The following NPIPB8 variants were observed in gnomAD, a reference collection of about 807,000 sequenced individuals.
NPIPB8 encodes nuclear pore complex interacting protein family member B8.
NPIPB8 carries 3 observed loss-of-function variants against 5.3 expected under a neutral mutation model. That is an observed-to-expected ratio of 0.57 (90% CI 0.26 to 1.47). NPIPB8 has a LOEUF of 1.47. Ranked by LOEUF, NPIPB8 falls within the 40% of genes most tolerant of loss-of-function variation. The pLI is 0.13. For synonymous variants in NPIPB8, 18 were observed against 23.0 expected, an observed-to-expected ratio of 0.78 and a Z score of 0.62; for missense variants, 50 against 50.2, an observed-to-expected ratio of 1.00 and a Z score of 0.01.
At position 28,638,146 on chromosome 16, in the gene NPIPB8, C is replaced by G; in HGVS notation, c.-43C>G. The G allele has an allele frequency of 1.6e-6, 1 of 644,620 alleles. No homozygotes were observed. The highest frequency in any genetic ancestry group is 2.6e-6 in the Non-Finnish European group (1 of 384,378). The allele number at this position is 644,620 out of a possible 1,614,324, so 39.9% of individuals were successfully genotyped here. ...TGTTCCTGTTTCACACAGAAGAAAA[C>G]TGAGGTTAAAAGGGGTAAAGTAATT... On this transcript the variant is annotated 5_prime_UTR_variant, in exon 1 of 8. Coordinates refer to ENST00000683297, the MANE Select transcript of NPIPB8 (RefSeq NM_001310136.2).
chr16:28,640,186 T>A (rs2047870571), intron 2 of NPIPB8, among the ~76,000 whole-genome samples: 1 of 152,004 alleles, frequency 6.6e-6, no homozygotes, highest in Non-Finnish European at 1.5e-5. Flanking sequence ...CTAGTCTGCA[T>A]CACAGAGTGT....
In NPIPB8 at chr16:28,651,657, T is replaced by C. The variant is rs2048046188; in HGVS notation, c.304-300T>C. 4.3e-5 allele frequency among the ~76,000 whole-genome samples: 4 copies of C among 92,406 alleles called. No individual in the cohort carries two copies. In the South Asian group the frequency reaches 1.3e-3, roughly 31 times the overall value. The allele number at this position is 92,406 out of a possible 152,430, so 60.6% of individuals were successfully genotyped here. A position where few individuals can be genotyped will look rare whatever the true frequency, so the allele number is the denominator to read the frequency against. On this transcript the variant is annotated intron_variant, in intron 3 of 7. Transcript: ENST00000683297. ...GTGTGTGTGTGTGTGAGAGACAGAG[T>C]CTCATTCTGTCGCTCAGGCTGGAGT... is the stretch of plus-strand genomic sequence containing the variant.
In NPIPB8 at chr16:28,652,377, T is replaced by C; in HGVS notation, c.599+13T>C. 3 of 242,916 alleles carry C rather than the reference T, an allele frequency of 1.2e-5. No homozygotes were observed. Among genetic ancestry groups the C allele is most frequent in the Non-Finnish European group, 2.2e-5 (3 of 138,250 alleles). The allele number at this position is 242,916 out of a possible 1,614,324, so 15.0% of individuals were successfully genotyped here. On this transcript the variant is annotated intron_variant, in intron 5 of 7. Transcript: ENST00000683297. ...CCGCCAGAAAACAGTAAGATGTGCC[T>C]TGACACAAATACTGTTGTATGAACC...
intron 3 of NPIPB8, among the ~76,000 whole-genome samples, chr16:28,651,366 C>G (rs1248135608): frequency 3.6e-5 from 1 of 27,600 alleles, no homozygotes; most frequent in Non-Finnish European, 6.4e-5. Flanking sequence ...ACAATCTCAG[C>G]TCACCACAAC....
At chr16:28,639,426 CAG>C (rs1336883216) in intron 2 of NPIPB8, among the ~76,000 whole-genome samples, 4 of 139,640 alleles carry the variant, frequency 2.9e-5, no homozygotes, top group Non-Finnish European at 4.5e-5. Flanking sequence ...GACACACACA[CAG>C]ACACACACAC....
chr16:28,639,455 A>ATATATATATATATTTT (rs1342219323), intron 2 of NPIPB8, among the ~76,000 whole-genome samples: 2 of 120,842 alleles, frequency 1.7e-5, no homozygotes, highest in African/African-American at 6.3e-5. Context: ...ATATATATAT[A>ATATATATATATATTTT]TTTTTTTTTT....
At chr16:28,644,939 C>T (rs200862095) in intron 2 of NPIPB8, among the ~76,000 whole-genome samples, 9,457 of 99,890 alleles carry the variant, frequency 0.095, 583 homozygotes, top group Admixed American at 0.18. Context: ...CTGGACGTTG[C>T]AGTGAGCTGA....
chr16:28,638,553 T>G, intron 2 of NPIPB8, 73 bp downstream of exon 2: 1 of 1,462,640 alleles, frequency 6.8e-7, no homozygotes. Flanking sequence ...ACACATCTCA[T>G]AGCGGGTGAT....
At chr16:28,642,213 G>C (rs990643298) in intron 2 of NPIPB8, among the ~76,000 whole-genome samples, 1 of 150,286 alleles carries the variant, frequency 6.7e-6, no homozygotes, top group African/African-American at 2.5e-5. Context: ...CCAAGGGATT[G>C]TCCTGCCTCA....
intron 2 of NPIPB8, among the ~76,000 whole-genome samples, chr16:28,643,002 T>C (rs981344615): frequency 2.6e-5 from 4 of 152,180 alleles, no homozygotes; most frequent in Admixed American, 6.5e-5. Context: ...TGTGGGAAGT[T>C]TAGCTGAGGA....
At chr16:28,640,232 G>A (rs1339666028) in intron 2 of NPIPB8, among the ~76,000 whole-genome samples, 1 of 151,882 alleles carries the variant, frequency 6.6e-6, no homozygotes, top group East Asian at 1.9e-4. Flanking sequence ...GATGGGCTAG[G>A]TATCACTGTA....
chr16:28,640,449 C>A (rs1434409911), intron 2 of NPIPB8, among the ~76,000 whole-genome samples: 1 of 152,130 alleles, frequency 6.6e-6, no homozygotes, highest in East Asian at 1.9e-4. Context: ...GTCTCAATGG[C>A]TCCCAACTCT....
chr16:28,644,876 G>C (rs2047972024), intron 2 of NPIPB8, among the ~76,000 whole-genome samples: 1 of 97,280 alleles, frequency 1.0e-5, no homozygotes, highest in Non-Finnish European at 2.2e-5. Context: ...GTGCGTACCT[G>C]TTATCCCAGT....
chr16:28,638,268 C>T (rs1199675262), intron 1 of NPIPB8, 55 bp from the exon 2 acceptor site: 4 of 1,534,036 alleles, frequency 2.6e-6, no homozygotes, highest in Middle Eastern at 2.3e-4. Context: ...TAGACTCAAA[C>T]ATCACCTTGT....
At chr16:28,641,284 G>T (rs1303315630) in intron 2 of NPIPB8, among the ~76,000 whole-genome samples, 13 of 150,358 alleles carry the variant, frequency 8.6e-5, no homozygotes, top group Admixed American at 4.0e-4. Flanking sequence ...TGTGGGGATA[G>T]TGGGGGTAGT....
At chr16:28,644,541 C>G in intron 2 of NPIPB8, 1 of 1,447,510 alleles carries the variant, frequency 6.9e-7, no homozygotes, top group South Asian at 1.2e-5. Flanking sequence ...CCCTAAGCCA[C>G]CTCCACCTCT....
chr16:28,639,405 A>T (rs1260802165), intron 2 of NPIPB8, among the ~76,000 whole-genome samples: 1 of 146,788 alleles, frequency 6.8e-6, no homozygotes, highest in Non-Finnish European at 1.5e-5. Context: ...AGATACACAC[A>T]CACACACACA....
In NPIPB8 at chr16:28,638,141, G is replaced by C; in HGVS notation, c.-48G>C. Reference sequence around the variant, plus strand: ...ACTATTGTTCCTGTTTCACACAGAAGAAAACTGAGGTTAAAAGGGGTAAAG... The same window carrying C: ...ACTATTGTTCCTGTTTCACACAGAACAAAACTGAGGTTAAAAGGGGTAAAG... On this transcript the variant is annotated 5_prime_UTR_variant, in exon 1 of 8. Coordinates refer to ENST00000683297, the MANE Select transcript of NPIPB8 (RefSeq NM_001310136.2). The C allele has an allele frequency of 1.6e-6, 1 of 643,150 alleles. No individual in the cohort carries two copies. The highest frequency in any genetic ancestry group is 2.6e-6 in the Non-Finnish European group (1 of 384,056). 39.8% of individuals were successfully genotyped at this position (643,150 alleles called of 1,614,324 possible). A position where few individuals can be genotyped will look rare whatever the true frequency, so the allele number is the denominator to read the frequency against.
intron 2 of NPIPB8, among the ~76,000 whole-genome samples, chr16:28,642,984 G>A (rs984506110): frequency 9.8e-5 from 15 of 152,298 alleles, no homozygotes; most frequent in Admixed American, 2.6e-4. Flanking sequence ...GTGATCGGGC[G>A]GAAGGCCTGT....
Sources: gnomAD v4.1 joint callset for allele counts (sites outside exome capture counted in the v4.1 genomes callset) on GRCh38, gnomAD v4.1.1 for gene constraint, MANE v1.5 for transcripts, NCBI Gene and HGNC (gene_info 2026-07-23, HGNC 2026-07-21) for gene names.